The following IGSF10 variants were observed in gnomAD, a reference collection of about 807,000 sequenced individuals.
IGSF10 encodes the protein calvaria mechanical force protein 608.
IGSF10 carries 126 observed loss-of-function variants against 128.2 expected under a neutral mutation model. The observed-to-expected ratio is 0.98, with a 90% CI of 0.85 to 1.14. The LOEUF (loss-of-function observed/expected upper bound fraction) is 1.14, where lower values mean the gene tolerates loss of function less well. Ranked by LOEUF, IGSF10 falls within the 50% of genes most tolerant of loss-of-function variation. The pLI is 0.00. For synonymous variants in IGSF10, 1,185 were observed against 1,146.2 expected (o/e 1.03, Z -0.68); for missense variants, 3,295 against 3,149.8 (o/e 1.05, Z -1.10).
chr3:151,437,298 C>G lies in IGSF10; in HGVS notation c.7263G>C (p.Glu2421Asp). 1 of 1,614,184 alleles carries G rather than the reference C, an allele frequency of 6.2e-7. No homozygotes were observed. The highest frequency in any genetic ancestry group is 8.5e-7 in the Non-Finnish European group (1 of 1,180,026). Residue 2421 changes from glutamate to aspartate, a missense_variant, in exon 8 of 8, where the codon GAG (glutamate) becomes GAC (aspartate). Physicochemically the swap from Glu to Asp is conservative, Grantham distance 45. Transcript: ENST00000282466. ...CAARNKVGYI[E>D]KLVILEIGQK... Reference sequence around the variant, plus strand: ...GGCCAATTTCTAATATGACTAATTTCTCAATATAGCCAACTTTATTCCTAG... The same window carrying G: ...GGCCAATTTCTAATATGACTAATTTGTCAATATAGCCAACTTTATTCCTAG...
chr3:151,481,072 A>G, the IGSF10 span, among the ~76,000 whole-genome samples: 1 of 152,062 alleles, frequency 6.6e-6, no homozygotes, highest in East Asian at 1.9e-4. Context: ...GAACAGTTGC[A>G]TTTCCCAGCA....
chr3:151,475,678 G>C, the IGSF10 span: 4 of 152,152 alleles, frequency 2.6e-5, no homozygotes, highest in Admixed American at 2.6e-4. Context: ...CTGACCATGA[G>C]GAATCCCTGG....
Position 151,436,579 on chromosome 3 carries a change from T to G in IGSF10, c.*110A>C. On this transcript the variant is annotated 3_prime_UTR_variant, in exon 8 of 8. Transcript: ENST00000282466. ...TTTATTTTGCATGTTCATTGTAAAT[T>G]TAATACTGTAAATGTATTCAAATTC... The G allele has an allele frequency of 1.4e-6, 1 of 717,474 alleles. No homozygotes were observed. Among genetic ancestry groups the G allele is most frequent in the African/African-American group, 1.8e-5 (1 of 56,104 alleles). The allele number at this position is 717,474 out of a possible 1,614,324, so 44.4% of individuals were successfully genotyped here.
chr3:151,589,891 T>G, the IGSF10 span, among the ~76,000 whole-genome samples: 1 of 152,182 alleles, frequency 6.6e-6, no homozygotes, highest in African/African-American at 2.4e-5. Context: ...CTTTGAAAAC[T>G]TATGATGTGT....
At chr3:151,572,878 C>T in the IGSF10 span, among the ~76,000 whole-genome samples, 1 of 152,328 alleles carries the variant, frequency 6.6e-6, no homozygotes, top group African/African-American at 2.4e-5. Flanking sequence ...TTTCCCTGTA[C>T]ACACTGCTTT....
chr3:151,433,463 A>G (rs1317204506), downstream of IGSF10: 1 of 152,656 alleles, frequency 6.6e-6, no homozygotes, highest in Non-Finnish European at 1.5e-5. Flanking sequence ...AAGAACCTAA[A>G]CCAAGGTTTC....
At chr3:151,564,181 T>G in the IGSF10 span, among the ~76,000 whole-genome samples, 1 of 152,218 alleles carries the variant, frequency 6.6e-6, no homozygotes, top group Non-Finnish European at 1.5e-5. Context: ...TCTAATTTCT[T>G]TATGTTAGTT....
At chr3:151,538,283 C>A in the IGSF10 span, among the ~76,000 whole-genome samples, 1 of 152,162 alleles carries the variant, frequency 6.6e-6, no homozygotes, top group African/African-American at 2.4e-5. Context: ...CATTATTGCC[C>A]ACTCATTATT....
chr3:151,497,837 T>C, the IGSF10 span, among the ~76,000 whole-genome samples: 1 of 152,118 alleles, frequency 6.6e-6, no homozygotes, highest in African/African-American at 2.4e-5. Flanking sequence ...TTTGTTTGTA[T>C]CCTCTTTTAT....
chr3:151,520,430 C>T, the IGSF10 span, among the ~76,000 whole-genome samples: 3 of 151,638 alleles, frequency 2.0e-5, no homozygotes, highest in Non-Finnish European at 4.4e-5. Context: ...AATTTTATTC[C>T]TCTTATGAAA....
the IGSF10 span, among the ~76,000 whole-genome samples, chr3:151,575,487 C>T: frequency 1.3e-5 from 2 of 152,166 alleles, no homozygotes; most frequent in Admixed American, 6.5e-5. Flanking sequence ...GGGACTGCTG[C>T]ACTAGCAGTG....
chr3:151,596,234 T>A, the IGSF10 span, among the ~76,000 whole-genome samples: 1 of 152,084 alleles, frequency 6.6e-6, no homozygotes, highest in Non-Finnish European at 1.5e-5. Context: ...GACAAAACAA[T>A]GTTTTCATGG....
chr3:151,534,865 G>A, the IGSF10 span, among the ~76,000 whole-genome samples: 1 of 150,692 alleles, frequency 6.6e-6, no homozygotes, highest in Admixed American at 6.6e-5. Context: ...GAATCTAGAG[G>A]AAACTACAGA....
the IGSF10 span, among the ~76,000 whole-genome samples, chr3:151,572,553 G>A: frequency 6.6e-6 from 1 of 152,098 alleles, no homozygotes; most frequent in Non-Finnish European, 1.5e-5. Context: ...ATTTCTGTGG[G>A]ATCAGTGGTG....
the IGSF10 span, among the ~76,000 whole-genome samples, chr3:151,574,959 C>T: frequency 1.2e-4 from 18 of 152,108 alleles, no homozygotes; most frequent in African/African-American, 4.3e-4. Flanking sequence ...GTTAGTTTTC[C>T]TTCTCACAGT....
chr3:151,466,597 G>A, the IGSF10 span, among the ~76,000 whole-genome samples: 1 of 151,948 alleles, frequency 6.6e-6, no homozygotes, highest in Admixed American at 6.6e-5. Flanking sequence ...TTGTTTGTTC[G>A]AGATAGAGTC....
chr3:151,537,574 G>A, the IGSF10 span, among the ~76,000 whole-genome samples: 1 of 152,062 alleles, frequency 6.6e-6, no homozygotes, highest in African/African-American at 2.4e-5. Flanking sequence ...AACCGAAATA[G>A]GGTTTATACT....
the IGSF10 span, among the ~76,000 whole-genome samples, chr3:151,590,660 T>C: frequency 4.6e-5 from 7 of 152,314 alleles, no homozygotes; most frequent in East Asian, 1.4e-3. Context: ...AAAAGCATCA[T>C]GCAGAGATGG....
the IGSF10 span, among the ~76,000 whole-genome samples, chr3:151,492,416 G>C: frequency 6.6e-6 from 1 of 152,158 alleles, no homozygotes; most frequent in African/African-American, 2.4e-5. Context: ...TGGGAATATA[G>C]ACTGGTTCAG....
Sources: allele counts gnomAD v4.1 joint callset (sites outside exome capture counted in the v4.1 genomes callset), GRCh38; gene constraint gnomAD v4.1.1; transcripts MANE v1.5; gene names NCBI Gene and HGNC (gene_info 2026-07-23, HGNC 2026-07-21).